PARP14: variants seen among roughly 807,000 people sequenced by gnomAD.
PARP14 encodes protein mono-ADP-ribosyltransferase PARP14.
Under a neutral mutation model 154.2 loss-of-function variants are expected in PARP14, and 59 were observed. That is an observed-to-expected ratio of 0.38 (90% CI 0.31 to 0.48). The LOEUF (loss-of-function observed/expected upper bound fraction) is 0.48. Ranked by LOEUF, PARP14 falls within the 20% of genes least tolerant of loss-of-function variation. The pLI is 0.98. For missense variants in PARP14, 1,734 were observed against 2,131.6 expected, an observed-to-expected ratio of 0.81 and a Z score of 3.67; for synonymous variants, 720 against 780.5, an observed-to-expected ratio of 0.92 and a Z score of 1.29.
rs978393735 is a variant in PARP14 at position 122,681,160 on chromosome 3, G to T, written c.187+90G>T. 37 of 541,664 alleles carry T rather than the reference G, an allele frequency of 6.8e-5. No homozygotes were observed. The East Asian group carries it at 3.6e-3, about 52-fold the overall frequency. 33.6% of individuals were successfully genotyped at this position (541,664 alleles called of 1,614,324 possible). On this transcript the variant is annotated intron_variant, in intron 1 of 16. Coordinates refer to ENST00000474629, the MANE Select transcript of PARP14 (RefSeq NM_017554.3). The surrounding 1 kb of genome is among the most constrained non-coding windows in gnomAD (Gnocchi z 5.5). ...CAGGGCACGCACGGGAGGGTGACCC[G>T]CCCGACTTCGGCGGCTGCTGTAGCG...
chr3:122,695,321 A>T, intron 4 of PARP14, 105 bp from the exon 5 acceptor site: 1 of 641,052 alleles, frequency 1.6e-6, no homozygotes, highest in Non-Finnish European at 2.7e-6. Flanking sequence ...TGGAGTGCTT[A>T]GCTCTTCCTT....
intron 8 of PARP14, among the ~76,000 whole-genome samples, chr3:122,706,390 T>C (rs910714417): frequency 2.2e-4 from 34 of 152,344 alleles, no homozygotes; most frequent in African/African-American, 8.2e-4. Flanking sequence ...AGCAGTCCTG[T>C]GATTTGAACA....
At position 122,683,368 on chromosome 3, in the gene PARP14, G is replaced by A. The variant is rs916118647; in HGVS notation, c.188-1817G>A. The A allele has an allele frequency of 2.5e-5, 17 of 675,322 alleles. No individual in the cohort carries two copies. In the African/African-American group the frequency reaches 2.5e-4, roughly 10 times the overall value. The allele number at this position is 675,322 out of a possible 1,614,324, so 41.8% of individuals were successfully genotyped here. On this transcript the variant is annotated intron_variant, in intron 1 of 16. Transcript: ENST00000474629. ...ACTGTAATAGGCAGATAACAAGAAT[G>A]AGCCCACCAGCACTTCTCCGTATTT...
chr3:122,713,756 AC>A, intron 10 of PARP14, 115 bp from the exon 11 acceptor site: 1 of 876,196 alleles, frequency 1.1e-6, no homozygotes, highest in East Asian at 2.4e-5. Context: ...CATCAGCAAT[AC>A]CCAATTAGAG....
intron 15 of PARP14, among the ~76,000 whole-genome samples, chr3:122,724,646 T>TA (rs1560086413): frequency 3.6e-5 from 5 of 139,448 alleles, no homozygotes; most frequent in Admixed American, 7.2e-5. Flanking sequence ...GAAAAAAAAA[T>TA]TTTTTTTTTT....
At chr3:122,688,848 C>T (rs888668300) in intron 3 of PARP14, among the ~76,000 whole-genome samples, 11 of 152,098 alleles carry the variant, frequency 7.2e-5, no homozygotes, top group African/African-American at 1.9e-4. Flanking sequence ...TAAGCATGCC[C>T]GAAACCTCAT....
intron 1 of PARP14, chr3:122,683,286 C>G: frequency 1.0e-6 from 1 of 984,684 alleles, no homozygotes; most frequent in South Asian, 4.7e-5. Context: ...CCCTCCATGC[C>G]AGGAAGTGGC....
intron 9 of PARP14, among the ~76,000 whole-genome samples, chr3:122,709,457 A>T (rs1192351230): frequency 6.6e-6 from 1 of 152,148 alleles, no homozygotes; most frequent in African/African-American, 2.4e-5. Context: ...TTGTTGGTTG[A>T]TGGACACTTA....
intron 5 of PARP14, among the ~76,000 whole-genome samples, chr3:122,697,377 T>C (rs186865298): frequency 6.6e-6 from 1 of 152,236 alleles, no homozygotes; most frequent in Admixed American, 6.5e-5. Flanking sequence ...ATGACGAAAC[T>C]GAAGCACAGA....
At chr3:122,725,379 C>T (rs1004938466) in intron 15 of PARP14, among the ~76,000 whole-genome samples, 8 of 149,680 alleles carry the variant, frequency 5.3e-5, no homozygotes, top group African/African-American at 1.5e-4. Flanking sequence ...GACGGGGCAG[C>T]GGCCGGGCAA....
At chr3:122,711,490 C>T (rs1357046740) in intron 9 of PARP14, among the ~76,000 whole-genome samples, 1 of 152,030 alleles carries the variant, frequency 6.6e-6, no homozygotes, top group African/African-American at 2.4e-5. Flanking sequence ...TTTGTTAGCT[C>T]ATATTTTGTC....
intron 5 of PARP14, among the ~76,000 whole-genome samples, chr3:122,698,482 A>G (rs1196758326): frequency 1.3e-5 from 2 of 152,188 alleles, no homozygotes; most frequent in South Asian, 2.1e-4. Flanking sequence ...TTACTGAATC[A>G]TAGTCTGTGG....
intron 15 of PARP14, chr3:122,721,858 C>T (rs1273447838): frequency 6.6e-6 from 1 of 152,008 alleles, no homozygotes; most frequent in Non-Finnish European, 1.5e-5. Context: ...ATTCAAAGTG[C>T]CCTACAAAGA....
At chr3:122,703,080 T>C (rs1313574775) in intron 6 of PARP14, among the ~76,000 whole-genome samples, 1 of 151,716 alleles carries the variant, frequency 6.6e-6, no homozygotes, top group East Asian at 1.9e-4. Flanking sequence ...GATGCTTAGC[T>C]TCCATGGCTG....
At chr3:122,692,203 G>A (rs940969676) in intron 3 of PARP14, 98 bp from the exon 4 acceptor site, 36 of 948,228 alleles carry the variant, frequency 3.8e-5, no homozygotes, top group Non-Finnish European at 5.1e-5. Flanking sequence ...CCAAGAGATT[G>A]GCAAGGAGAG....
chr3:122,721,308 GC>G (rs1933161318), intron 15 of PARP14: 1 of 180,144 alleles, frequency 5.6e-6, no homozygotes, highest in Non-Finnish European at 1.2e-5. Flanking sequence ...TCCACTTGAG[GC>G]TGGGCACAGT....
chr3:122,684,232 T>C (rs890177080), intron 1 of PARP14, among the ~76,000 whole-genome samples: 11 of 152,356 alleles, frequency 7.2e-5, no homozygotes, highest in African/African-American at 2.4e-4. Context: ...GCTACACCTG[T>C]GACCTGTAGG....
chr3:122,716,011 G>C (rs548399452), intron 12 of PARP14, among the ~76,000 whole-genome samples: 1 of 152,242 alleles, frequency 6.6e-6, no homozygotes, highest in Admixed American at 6.5e-5. Context: ...AGGGTTAGTG[G>C]GTTATCCTTG....
At chr3:122,702,215 C>G (rs1016388759) in intron 6 of PARP14, among the ~76,000 whole-genome samples, 2 of 151,958 alleles carry the variant, frequency 1.3e-5, no homozygotes, top group Admixed American at 1.3e-4. Context: ...TAATATGTTT[C>G]TTTTTCTTTT....
Sources: gnomAD v4.1 joint callset for allele counts (sites outside exome capture counted in the v4.1 genomes callset) on GRCh38, gnomAD v4.1.1 for gene constraint, Gnocchi (gnomAD v3.1) non-coding constraint, MANE v1.5 for transcripts, NCBI Gene and HGNC (gene_info 2026-07-23, HGNC 2026-07-21) for gene names.